Variants in SHISA9 observed in about 807,000 individuals in gnomAD.
The protein encoded by SHISA9 is shisa family member 9.
Under a neutral mutation model 38.0 loss-of-function variants are expected in SHISA9, and 13 were observed. The ratio of observed to expected loss-of-function variants is 0.34; its 90% CI spans 0.22 to 0.54. The LOEUF is 0.54. SHISA9 is among the 20% of genes least tolerant of loss of function. SHISA9 has a pLI of 0.91. For missense variants in SHISA9, 538 were observed against 575.8 expected (o/e 0.93, Z 0.67); for synonymous variants, 275 against 242.0 (o/e 1.14, Z -1.27).
chr16:13,017,371 A>G (rs972214090), intron 2 of SHISA9, among the ~76,000 whole-genome samples: 37 of 152,242 alleles, frequency 2.4e-4, no homozygotes, highest in African/African-American at 8.4e-4. Flanking sequence ...ATTTTCCCCA[A>G]TTTATCTCAT....
chr16:13,351,311 G>T, the SHISA9 span, among the ~76,000 whole-genome samples: 1 of 152,122 alleles, frequency 6.6e-6, no homozygotes, highest in Non-Finnish European at 1.5e-5. Context: ...CAAGCAAATG[G>T]CAGCTGCTCC....
At chr16:13,394,927 G>GT in the SHISA9 span, among the ~76,000 whole-genome samples, 3 of 124,560 alleles carry the variant, frequency 2.4e-5, no homozygotes, top group African/African-American at 3.4e-5. Flanking sequence ...GCAGTATCTG[G>GT]GGTGTGTGTG....
chr16:13,393,050 A>G, the SHISA9 span, among the ~76,000 whole-genome samples: 1 of 152,226 alleles, frequency 6.6e-6, no homozygotes, highest in East Asian at 1.9e-4. Context: ...AATTCTGCCC[A>G]CTGATGGGAA....
the SHISA9 span, among the ~76,000 whole-genome samples, chr16:13,426,764 A>G: frequency 4.5e-4 from 69 of 152,376 alleles, 1 homozygote; most frequent in East Asian, 0.01. Context: ...CTGTACATAA[A>G]TAAGTCAGAA....
chr16:13,376,923 C>T, the SHISA9 span, among the ~76,000 whole-genome samples: 7 of 152,246 alleles, frequency 4.6e-5, no homozygotes, highest in South Asian at 2.1e-4. Flanking sequence ...GTGATCCACC[C>T]GCCTTGGCAT....
chr16:13,390,599 T>C, the SHISA9 span, among the ~76,000 whole-genome samples: 2 of 152,188 alleles, frequency 1.3e-5, no homozygotes, highest in African/African-American at 4.8e-5. Context: ...GATTTCAAGC[T>C]TAGGCTTGAA....
intron 2 of SHISA9, among the ~76,000 whole-genome samples, chr16:13,103,482 A>C (rs1248549506): frequency 6.6e-6 from 1 of 152,222 alleles, no homozygotes; most frequent in Non-Finnish European, 1.5e-5. Context: ...ATGGGAAGAA[A>C]GCCAGGGACA....
chr16:13,028,975 T>C (rs943758718), intron 2 of SHISA9, among the ~76,000 whole-genome samples: 1 of 152,194 alleles, frequency 6.6e-6, no homozygotes, highest in African/African-American at 2.4e-5. Flanking sequence ...GACTGAGGAA[T>C]GGATGCAAAT....
downstream of SHISA9, among the ~76,000 whole-genome samples, chr16:13,244,271 T>C (rs1053614740): frequency 6.6e-6 from 1 of 152,196 alleles, no homozygotes; most frequent in Non-Finnish European, 1.5e-5. Context: ...CTCACATTTG[T>C]GATATGGTAA....
chr16:12,960,983 A>G (rs534710101), intron 2 of SHISA9, among the ~76,000 whole-genome samples: 166 of 151,028 alleles, frequency 1.1e-3, no homozygotes, highest in African/African-American at 3.9e-3. Context: ...GACACTAAAC[A>G]GCTAGCAGTG....
intron 2 of SHISA9, among the ~76,000 whole-genome samples, chr16:13,061,777 C>A (rs543989342): frequency 6.6e-6 from 1 of 152,186 alleles, no homozygotes; most frequent in South Asian, 2.1e-4. Flanking sequence ...AACAAAAGGC[C>A]AACAGAATGA....
At chr16:13,037,023 T>C (rs565927349) in intron 2 of SHISA9, among the ~76,000 whole-genome samples, 13 of 151,498 alleles carry the variant, frequency 8.6e-5, no homozygotes, top group African/African-American at 3.1e-4. Context: ...TTGTTCTCAA[T>C]GTAATTTTGT....
At chr16:13,410,888 T>A in the SHISA9 span, among the ~76,000 whole-genome samples, 3 of 152,184 alleles carry the variant, frequency 2.0e-5, no homozygotes, top group Non-Finnish European at 4.4e-5. Flanking sequence ...AACTGACAAT[T>A]TTTTTTCTGT....
chr16:12,923,119 A>T (rs912351915), intron 2 of SHISA9, among the ~76,000 whole-genome samples: 1 of 152,218 alleles, frequency 6.6e-6, no homozygotes, highest in African/African-American at 2.4e-5. Flanking sequence ...CCAATGAATA[A>T]AAAAGCCCAT....
chr16:12,951,392 T>G (rs1458035039), intron 2 of SHISA9, among the ~76,000 whole-genome samples: 1 of 152,130 alleles, frequency 6.6e-6, no homozygotes, highest in African/African-American at 2.4e-5. Context: ...GTAAATATTG[T>G]CAACTTTGCA....
At chr16:13,561,259 C>T in the SHISA9 span, among the ~76,000 whole-genome samples, 1 of 152,160 alleles carries the variant, frequency 6.6e-6, no homozygotes, top group Non-Finnish European at 1.5e-5. Context: ...ATATTAGAAG[C>T]GTTTGGCTTT....
chr16:13,116,306 G>T (rs1025841608), intron 2 of SHISA9, among the ~76,000 whole-genome samples: 3 of 152,136 alleles, frequency 2.0e-5, no homozygotes, highest in Admixed American at 1.3e-4. Flanking sequence ...CAGTGCCCCA[G>T]GTTCTCATTC....
At chr16:13,372,580 A>C in the SHISA9 span, among the ~76,000 whole-genome samples, 42 of 152,354 alleles carry the variant, frequency 2.8e-4, no homozygotes, top group East Asian at 6.9e-3. Flanking sequence ...GATTTGAGAC[A>C]TTTGAGACCA....
At chr16:13,077,735 T>G (rs2073599976) in intron 2 of SHISA9, among the ~76,000 whole-genome samples, 1 of 152,132 alleles carries the variant, frequency 6.6e-6, no homozygotes, top group African/African-American at 2.4e-5. Flanking sequence ...TTCAGTTCCT[T>G]TCCTTTTCCA....
Sources: gnomAD v4.1 joint callset for allele counts (sites outside exome capture counted in the v4.1 genomes callset) on GRCh38, gnomAD v4.1.1 for gene constraint, MANE v1.5 for transcripts, NCBI Gene and HGNC (gene_info 2026-07-23, HGNC 2026-07-21) for gene names.